Variants in PRUNE2 observed in about 807,000 individuals in gnomAD.
PRUNE2 encodes protein prune homolog 2.
A neutral mutation model predicts 252.0 loss-of-function variants in PRUNE2; 164 were observed. That is an observed-to-expected ratio of 0.65 (90% CI 0.57 to 0.74). The LOEUF is 0.74. PRUNE2 is among the 30% of genes least tolerant of loss of function. The pLI is 0.00. For missense variants in PRUNE2, 3,495 were observed against 3,711.0 expected (o/e 0.94, Z 1.51); for synonymous variants, 1,292 against 1,350.2 (o/e 0.96, Z 0.94).
At chr9:76,637,052 G>A (rs1203838946) in intron 14 of PRUNE2, among the ~76,000 whole-genome samples, 2 of 151,226 alleles carry the variant, frequency 1.3e-5, no homozygotes, top group African/African-American at 4.9e-5. Context: ...TTACCTGGTA[G>A]GAAGATATAG....
At chr9:76,785,139 C>T (rs12237165) in intron 6 of PRUNE2, 8,657 of 152,298 alleles carry the variant, frequency 0.057, 240 homozygotes, top group East Asian at 0.083. Context: ...CAACCCCTCC[C>T]ATGCACCTAA....
At chr9:76,620,140 AT>A (rs59150159) in intron 17 of PRUNE2, among the ~76,000 whole-genome samples, 75,513 of 126,858 alleles carry the variant, frequency 0.6, 20,646 homozygotes, top group Non-Finnish European at 0.64. Flanking sequence ...CCCTCCCATA[AT>A]TTTTTTTTTT....
intron 2 of PRUNE2, among the ~76,000 whole-genome samples, chr9:76,852,663 C>T (rs1034515518): frequency 8.5e-5 from 13 of 152,314 alleles, no homozygotes; most frequent in South Asian, 2.1e-4. Context: ...CAGTAAACTA[C>T]GAGAAAGGCA....
chr9:76,884,109 G>A (rs2061949528), intron 1 of PRUNE2, among the ~76,000 whole-genome samples: 1 of 152,026 alleles, frequency 6.6e-6, no homozygotes, highest in African/African-American at 2.4e-5. Context: ...TGCCTATTCT[G>A]GTTGGGCCCA....
intron 16 of PRUNE2, among the ~76,000 whole-genome samples, chr9:76,626,150 T>C (rs1403150651): frequency 6.6e-6 from 1 of 152,226 alleles, no homozygotes; most frequent in Non-Finnish European, 1.5e-5. Flanking sequence ...ACATCCTGTA[T>C]TTTCCCTTGG....
At chr9:76,836,859 A>G (rs10869838) in intron 4 of PRUNE2, among the ~76,000 whole-genome samples, 62,190 of 152,006 alleles carry the variant, frequency 0.41, 13,015 homozygotes, top group Middle Eastern at 0.54. Flanking sequence ...GAAAAACACA[A>G]GCACGTTATT....
chr9:76,776,333 C>T (rs1376363370), intron 6 of PRUNE2, among the ~76,000 whole-genome samples: 2 of 152,056 alleles, frequency 1.3e-5, no homozygotes, highest in Non-Finnish European at 2.9e-5. Flanking sequence ...ATTTCACTCT[C>T]TGTGTCCATG....
intron 6 of PRUNE2, among the ~76,000 whole-genome samples, chr9:76,820,874 G>C (rs1191637290): frequency 6.6e-6 from 1 of 151,988 alleles, no homozygotes; most frequent in African/African-American, 2.4e-5. Flanking sequence ...AAATCCAAAA[G>C]GAAATATAAA....
intron 1 of PRUNE2, among the ~76,000 whole-genome samples, chr9:76,899,714 C>T (rs2063055812): frequency 1.3e-5 from 2 of 152,116 alleles, no homozygotes; most frequent in African/African-American, 4.8e-5. Context: ...AACAAACATG[C>T]CCAATAGAGA....
intron 1 of PRUNE2, among the ~76,000 whole-genome samples, chr9:76,874,900 C>T (rs192920465): frequency 4.9e-4 from 75 of 152,256 alleles, no homozygotes; most frequent in African/African-American, 1.8e-3. Context: ...AATGAGTCAA[C>T]AATAAAATGT....
intron 2 of PRUNE2, among the ~76,000 whole-genome samples, chr9:76,853,390 C>T (rs2060073448): frequency 6.6e-6 from 1 of 152,200 alleles, no homozygotes; most frequent in Admixed American, 6.5e-5. Context: ...CCTAGACACT[C>T]ATAACATACA....
chr9:76,705,890 T>C lies in PRUNE2; in HGVS notation c.6384A>G (p.Glu2128=). 6.2e-7 allele frequency: 1 copy of C among 1,613,880 alleles called. No homozygotes were observed. The highest frequency in any genetic ancestry group is 8.5e-7 in the Non-Finnish European group (1 of 1,179,876). Residue 2128 remains glutamate, a synonymous_variant, in exon 8 of 19, where the codon GAA becomes GAG. Transcript: ENST00000376718. The part of the protein sequence containing the change: ...EKHLSACMGP[E]VESSELCLTE... ...TGAGACAAAGCTCACTGGATTCCAC[T>C]TCAGGTCCCATGCAAGCACTGAGGT... is the stretch of plus-strand genomic sequence containing the variant.
At chr9:76,801,715 T>G (rs1209872545) in intron 6 of PRUNE2, among the ~76,000 whole-genome samples, 1 of 152,188 alleles carries the variant, frequency 6.6e-6, no homozygotes, top group African/African-American at 2.4e-5. Flanking sequence ...TACAGAGCAT[T>G]CTCTGCTATT....
intron 11 of PRUNE2, among the ~76,000 whole-genome samples, chr9:76,646,643 A>G (rs1588104243): frequency 6.6e-6 from 1 of 152,096 alleles, no homozygotes; most frequent in Non-Finnish European, 1.5e-5. Context: ...TGCTAATCTT[A>G]TATCCCTTCC....
intron 1 of PRUNE2, among the ~76,000 whole-genome samples, chr9:76,864,745 G>T (rs116813021): frequency 0.016 from 2,456 of 152,254 alleles, 76 homozygotes; most frequent in African/African-American, 0.056. Flanking sequence ...GCAATTAAGA[G>T]AATAAGAAAT....
intron 6 of PRUNE2, among the ~76,000 whole-genome samples, chr9:76,731,251 C>T (rs1403175262): frequency 6.6e-6 from 1 of 151,362 alleles, no homozygotes; most frequent in Non-Finnish European, 1.5e-5. Context: ...CACATACACA[C>T]ACACACACTA....
At chr9:76,879,629 G>A (rs2061648972) in intron 1 of PRUNE2, among the ~76,000 whole-genome samples, 1 of 151,268 alleles carries the variant, frequency 6.6e-6, no homozygotes, top group South Asian at 2.1e-4. Flanking sequence ...TGTGTGTCTT[G>A]GAAAGGGAAC....
At chr9:76,815,456 C>T (rs972077214) in intron 6 of PRUNE2, among the ~76,000 whole-genome samples, 11 of 152,132 alleles carry the variant, frequency 7.2e-5, no homozygotes, top group Non-Finnish European at 1.6e-4. Flanking sequence ...ACCTTCTCAC[C>T]GCATATTCAC....
intron 6 of PRUNE2, among the ~76,000 whole-genome samples, chr9:76,741,891 T>C (rs893196513): frequency 6.6e-6 from 1 of 152,252 alleles, no homozygotes; most frequent in African/African-American, 2.4e-5. Flanking sequence ...CCCATGCCAC[T>C]GGCCCAGATA....
Sources: allele counts gnomAD v4.1 joint callset (sites outside exome capture counted in the v4.1 genomes callset), GRCh38; gene constraint gnomAD v4.1.1; transcripts MANE v1.5; gene names NCBI Gene and HGNC (gene_info 2026-07-23, HGNC 2026-07-21).